The following EIF3L variants were observed in gnomAD, a reference collection of about 807,000 sequenced individuals.
The protein encoded by EIF3L is eukaryotic translation initiation factor 3 subunit L, also known as eIEF associated protein HSPC021.
Under a neutral mutation model 74.6 loss-of-function variants are expected in EIF3L, and 32 were observed. The observed-to-expected ratio is 0.43, with a 90% CI of 0.32 to 0.58. The LOEUF (loss-of-function observed/expected upper bound fraction) is 0.58. EIF3L is among the 20% of genes least tolerant of loss of function. EIF3L has a pLI of 0.06. For synonymous variants in EIF3L, 256 were observed against 254.4 expected (o/e 1.01, Z -0.06); for missense variants, 474 against 707.8 (o/e 0.67, Z 3.75).
In EIF3L at chr22:37,877,753, T is replaced by A; in HGVS notation, c.1157T>A (p.Ile386Asn). 1 of 1,613,828 alleles carries A rather than the reference T, an allele frequency of 6.2e-7. No homozygotes were observed. ...TMYPMRIDES[I>N]HLQLREKYGD... ...TACCCCATGCGTATTGATGAGAGCA[T>A]TCACCTCCAGCTGCGGGAGAAATAT... is the stretch of plus-strand genomic sequence containing the variant. The change falls in exon 11 of 13, where the codon ATT becomes AAT. Residue 386 changes from isoleucine (I) to asparagine (N), a missense_variant. By Grantham distance (149) the Ile-to-Asn change is moderately radical. Coordinates refer to ENST00000652021, the MANE Select transcript of EIF3L (RefSeq NM_016091.4).
Position 37,879,325 on chromosome 22 carries a change from C to G in EIF3L, c.1575+1154C>G, listed in dbSNP as rs1926923857. On this transcript the variant is annotated intron_variant, in intron 11 of 12. Coordinates refer to ENST00000652021, the MANE Select transcript of EIF3L (RefSeq NM_016091.4). ...ACCATCCTAGCCAACATGGTGAAACCCCATCTCTACTAAAAATAAATTAGC... is the reference window on the plus strand; with the variant it reads ...ACCATCCTAGCCAACATGGTGAAACGCCATCTCTACTAAAAATAAATTAGC... The G allele has an allele frequency of 2.0e-5, 3 of 151,886 alleles. No homozygotes were observed. In the South Asian group the frequency reaches 6.2e-4, roughly 32 times the overall value. 9.4% of individuals were successfully genotyped at this position (151,886 alleles called of 1,614,324 possible).
chr22:37,851,992 C>G (rs1038411936), intron 3 of EIF3L, among the ~76,000 whole-genome samples: 1 of 151,694 alleles, frequency 6.6e-6, no homozygotes, highest in African/African-American at 2.4e-5. Flanking sequence ...TTAGTAGAGA[C>G]GGGGTTTCAT....
At chr22:37,854,472 T>C (rs1224988796) in intron 3 of EIF3L, among the ~76,000 whole-genome samples, 1 of 152,104 alleles carries the variant, frequency 6.6e-6, no homozygotes, top group Non-Finnish European at 1.5e-5. Context: ...TCTGTTTTTG[T>C]TTTTTGTTTT....
At chr22:37,878,474 T>C (rs1926874927) in intron 11 of EIF3L, 1 of 218,246 alleles carries the variant, frequency 4.6e-6, no homozygotes, top group East Asian at 1.0e-4. Context: ...GTTTTGGTTT[T>C]TTTTTTGAGA....
At chr22:37,858,183 A>G (rs1925638695) in intron 4 of EIF3L, among the ~76,000 whole-genome samples, 1 of 150,838 alleles carries the variant, frequency 6.6e-6, no homozygotes, top group Non-Finnish European at 1.5e-5. Context: ...CTTCAAACAA[A>G]CAAACAACAT....
rs200765115 is a variant in EIF3L at position 37,886,749 on chromosome 22, G to C, written c.1576-16G>C. 4.8e-5 allele frequency: 77 copies of C among 1,603,166 alleles called. No homozygotes were observed. The highest frequency in any genetic ancestry group is 6.4e-5 in the Non-Finnish European group (75 of 1,173,038). On this transcript the variant is annotated splice_polypyrimidine_tract_variant and intron_variant, in intron 11 of 12. Transcript: ENST00000652021. Reference sequence around the variant, plus strand: ...TCCACCTGGCTGCTCTTCCCTGACTGTGCTTTCCCCCACAGGACATGATCC... The same window carrying C: ...TCCACCTGGCTGCTCTTCCCTGACTCTGCTTTCCCCCACAGGACATGATCC...
At chr22:37,865,431 G>T (rs942988947) in intron 7 of EIF3L, among the ~76,000 whole-genome samples, 1 of 151,864 alleles carries the variant, frequency 6.6e-6, no homozygotes, top group Admixed American at 6.6e-5. Context: ...CTGCACTCCA[G>T]CCTGGCGACA....
chr22:37,872,274 G>A (rs1926517688), intron 8 of EIF3L, among the ~76,000 whole-genome samples: 1 of 152,148 alleles, frequency 6.6e-6, no homozygotes, highest in South Asian at 2.1e-4. Flanking sequence ...ACAGGCACAC[G>A]CCACCACGCC....
chr22:37,861,220 C>A (rs1456158984), intron 5 of EIF3L, among the ~76,000 whole-genome samples: 1 of 152,138 alleles, frequency 6.6e-6, no homozygotes, highest in Non-Finnish European at 1.5e-5. Flanking sequence ...TAGTTTCTCA[C>A]AGTTACTCAC....
At chr22:37,871,726 G>C (rs866458481) in intron 8 of EIF3L, among the ~76,000 whole-genome samples, 12 of 151,822 alleles carry the variant, frequency 7.9e-5, no homozygotes, top group African/African-American at 2.7e-4. Context: ...AAAATTAGCC[G>C]GGCCTGGTGG....
intron 8 of EIF3L, among the ~76,000 whole-genome samples, chr22:37,872,795 CT>C (rs879687789): frequency 1.2e-4 from 17 of 144,164 alleles, no homozygotes; most frequent in Admixed American, 2.8e-4. Context: ...ATTTTTTTTT[CT>C]TTTTTTTTTG....
chr22:37,887,139 G>T, intron 12 of EIF3L: 1 of 269,470 alleles, frequency 3.7e-6, no homozygotes, highest in South Asian at 3.3e-5. Context: ...ATGTTGGCCA[G>T]GCTGGTCTCC....
At position 37,851,419 on chromosome 22, in the gene EIF3L, A is replaced by G. The variant is rs146453911; in HGVS notation, c.222A>G (p.Leu74=). The change falls in exon 3 of 13, where the codon CTA becomes CTG. Residue 74 remains leucine, a synonymous_variant. Coordinates refer to ENST00000652021, the MANE Select transcript of EIF3L (RefSeq NM_016091.4). ...TGATTGACCAGAAAGTGTATGAGCT[A>G]CAGGCCAGTCGTGTCTCCAGTGATG... is the stretch of plus-strand genomic sequence containing the variant. ...SDLIDQKVYE[L]QASRVSSDVI... 1.2e-6 allele frequency: 2 copies of G among 1,614,060 alleles called. No homozygotes were observed. The highest frequency in any genetic ancestry group is 2.7e-5 in the African/African-American group (2 of 75,026).
intron 7 of EIF3L, among the ~76,000 whole-genome samples, chr22:37,865,371 A>G (rs950016236): frequency 6.6e-6 from 1 of 152,006 alleles, no homozygotes; most frequent in African/African-American, 2.4e-5. Context: ...GAGGCAGGGG[A>G]ATCGCTCGAA....
chr22:37,863,722 A>G (rs1925987244), intron 7 of EIF3L, among the ~76,000 whole-genome samples: 1 of 151,620 alleles, frequency 6.6e-6, no homozygotes, highest in Non-Finnish European at 1.5e-5. Flanking sequence ...TCAGAGCCTC[A>G]CTTTCTTTAC....
At chr22:37,863,601 T>A (rs983833986) in intron 7 of EIF3L, among the ~76,000 whole-genome samples, 1 of 152,104 alleles carries the variant, frequency 6.6e-6, no homozygotes, top group Non-Finnish European at 1.5e-5. Flanking sequence ...TGTTAGGTGG[T>A]CTGGTGGTAA....
At chr22:37,880,906 C>T (rs1325617921) in intron 11 of EIF3L, 1 of 152,234 alleles carries the variant, frequency 6.6e-6, no homozygotes, top group Admixed American at 6.5e-5. Context: ...GAGTCACCGT[C>T]CATTGTGTGT....
chr22:37,868,634 CTTTTTTTTTT>C (rs71195065), intron 7 of EIF3L, among the ~76,000 whole-genome samples: 11 of 25,132 alleles, frequency 4.4e-4, no homozygotes, highest in Admixed American at 3.4e-3. Context: ...TGTTTTGGTG[CTTTTTTTTTT>C]TTTTTTTTTT....
At chr22:37,863,963 G>A (rs370369513) in intron 7 of EIF3L, among the ~76,000 whole-genome samples, 1 of 151,976 alleles carries the variant, frequency 6.6e-6, no homozygotes, top group African/African-American at 2.4e-5. Flanking sequence ...TACTCAGTAG[G>A]CTGAGGCAGG....
Sources: gnomAD v4.1 joint callset for allele counts (sites outside exome capture counted in the v4.1 genomes callset) on GRCh38, gnomAD v4.1.1 for gene constraint, MANE v1.5 for transcripts, NCBI Gene and HGNC (gene_info 2026-07-23, HGNC 2026-07-21) for gene names.